ARK2N: variants seen among roughly 807,000 people sequenced by gnomAD.
ARK2N encodes the protein protein ARK2N.
At chr18:46,191,349 A>G in the ARK2N span, among the ~76,000 whole-genome samples, 1 of 145,374 alleles carries the variant, frequency 6.9e-6, no homozygotes, top group African/African-American at 2.5e-5. Context: ...TGTTTATTTA[A>G]TTTTTTTTTT....
the ARK2N span, among the ~76,000 whole-genome samples, chr18:46,214,763 A>C: frequency 6.6e-6 from 1 of 152,204 alleles, no homozygotes; most frequent in Non-Finnish European, 1.5e-5. Flanking sequence ...CATTCATAGA[A>C]TATACTAGGC....
At chr18:46,263,068 G>A in the ARK2N span, 2 of 1,614,170 alleles carry the variant, frequency 1.2e-6, no homozygotes, top group South Asian at 2.2e-5. Context: ...ACCAGCAGAA[G>A]TTGTTGACCT....
the ARK2N span, among the ~76,000 whole-genome samples, chr18:46,224,552 G>T: frequency 6.6e-6 from 1 of 152,268 alleles, no homozygotes; most frequent in East Asian, 1.9e-4. Flanking sequence ...CACCTGGGGA[G>T]CTTAAACCGA....
the ARK2N span, among the ~76,000 whole-genome samples, chr18:46,190,909 G>A: frequency 2.0e-5 from 3 of 152,164 alleles, no homozygotes; most frequent in African/African-American, 7.2e-5. Flanking sequence ...TGGCTGTAGT[G>A]TGTGTGTATG....
chr18:46,181,897 T>C, the ARK2N span, among the ~76,000 whole-genome samples: 1 of 152,178 alleles, frequency 6.6e-6, no homozygotes, highest in Non-Finnish European at 1.5e-5. Context: ...TGTGAGCCAC[T>C]GTGCCTGGCT....
chr18:46,238,721 A>C, the ARK2N span, among the ~76,000 whole-genome samples: 1 of 152,236 alleles, frequency 6.6e-6, no homozygotes, highest in Non-Finnish European at 1.5e-5. Context: ...AAATATTACT[A>C]CATAAACCTG....
chr18:46,256,402 G>A, the ARK2N span, among the ~76,000 whole-genome samples: 3 of 126,496 alleles, frequency 2.4e-5, no homozygotes, highest in Non-Finnish European at 5.1e-5. Flanking sequence ...ATCATTAAAT[G>A]TTTATCTTCT....
At chr18:46,198,961 A>T in the ARK2N span, among the ~76,000 whole-genome samples, 1 of 152,186 alleles carries the variant, frequency 6.6e-6, no homozygotes, top group Admixed American at 6.5e-5. Context: ...CCTCATTCAT[A>T]GTCCTTTTGT....
chr18:46,257,911 T>C, the ARK2N span, among the ~76,000 whole-genome samples: 1 of 146,992 alleles, frequency 6.8e-6, no homozygotes, highest in African/African-American at 2.5e-5. Flanking sequence ...ACTCATTGCT[T>C]CATAGGACCA....
At chr18:46,202,289 G>C in the ARK2N span, among the ~76,000 whole-genome samples, 1 of 152,130 alleles carries the variant, frequency 6.6e-6, no homozygotes, top group Non-Finnish European at 1.5e-5. Context: ...AATTTCCTCA[G>C]GATCTGATTG....
At chr18:46,196,129 C>T in the ARK2N span, among the ~76,000 whole-genome samples, 2 of 149,494 alleles carry the variant, frequency 1.3e-5, no homozygotes, top group Admixed American at 6.7e-5. Flanking sequence ...TACAGGCATG[C>T]GCCACCACGC....
At chr18:46,202,618 T>C in the ARK2N span, among the ~76,000 whole-genome samples, 1 of 151,902 alleles carries the variant, frequency 6.6e-6, no homozygotes, top group Admixed American at 6.6e-5. Flanking sequence ...CGAAACCCCG[T>C]CTCTACTAAA....
At chr18:46,234,494 G>A in the ARK2N span, among the ~76,000 whole-genome samples, 4 of 152,064 alleles carry the variant, frequency 2.6e-5, no homozygotes, top group African/African-American at 7.2e-5. Context: ...CACTGTGCCC[G>A]GCCTCATTTG....
the ARK2N span, among the ~76,000 whole-genome samples, chr18:46,229,494 C>T: frequency 2.0e-5 from 3 of 151,880 alleles, no homozygotes; most frequent in African/African-American, 7.3e-5. Flanking sequence ...ACTACAGGTG[C>T]CTGCCACCAC....
chr18:46,180,359 T>A, the ARK2N span, among the ~76,000 whole-genome samples: 1 of 152,354 alleles, frequency 6.6e-6, no homozygotes, highest in African/African-American at 2.4e-5. Context: ...CCTGGTTAAA[T>A]TAAAAACCCA....
chr18:46,177,436 T>G, the ARK2N span, among the ~76,000 whole-genome samples: 1 of 145,760 alleles, frequency 6.9e-6, no homozygotes, highest in East Asian at 2.0e-4. Context: ...CTTTACTTTT[T>G]TTTTTTTTTT....
the ARK2N span, among the ~76,000 whole-genome samples, chr18:46,185,646 C>G: frequency 6.6e-6 from 1 of 152,188 alleles, no homozygotes; most frequent in Non-Finnish European, 1.5e-5. Context: ...TGCAATTTGT[C>G]TCTTGTTTTC....
At chr18:46,183,053 G>T in the ARK2N span, among the ~76,000 whole-genome samples, 3 of 151,370 alleles carry the variant, frequency 2.0e-5, no homozygotes, top group African/African-American at 7.3e-5. Context: ...ACTGTTGAAG[G>T]AAAGAAAACC....
At chr18:46,174,931 C>G in the ARK2N span, among the ~76,000 whole-genome samples, 1 of 152,240 alleles carries the variant, frequency 6.6e-6, no homozygotes, top group South Asian at 2.1e-4. Flanking sequence ...CTCGGCGCTT[C>G]CACTACCTTC....
Sources: gnomAD v4.1 joint callset for allele counts (sites outside exome capture counted in the v4.1 genomes callset) on GRCh38, gnomAD v4.1.1 for gene constraint, MANE v1.5 for transcripts, NCBI Gene and HGNC (gene_info 2026-07-23, HGNC 2026-07-21) for gene names.